The following CIITA variants were observed in gnomAD, a reference collection of about 807,000 sequenced individuals.
The protein encoded by CIITA is class II major histocompatibility complex transactivator.
CIITA carries 72 observed loss-of-function variants against 115.1 expected under a neutral mutation model. That is an observed-to-expected ratio of 0.63 (90% CI 0.52 to 0.76). The LOEUF (loss-of-function observed/expected upper bound fraction) is 0.76, where lower values mean the gene tolerates loss of function less well. Among genes scored for constraint, CIITA ranks in the 30% least tolerant of loss-of-function variants. The probability of loss-of-function intolerance (pLI) is 0.00; values close to 1 mark genes in which losing one functional copy is unlikely to be tolerated. For synonymous variants in CIITA, 763 were observed against 635.6 expected, an observed-to-expected ratio of 1.20 and a Z score of -3.02; for missense variants, 1,617 against 1,463.8, an observed-to-expected ratio of 1.10 and a Z score of -1.71.
At chr16:10,896,998 G>A (rs1036145994) in intron 3 of CIITA, among the ~76,000 whole-genome samples, 2 of 152,182 alleles carry the variant, frequency 1.3e-5, no homozygotes, top group East Asian at 1.9e-4. Context: ...ACAACTGGAG[G>A]CAGTCATTAA....
At chr16:10,890,202 G>A (rs148933685) in intron 1 of CIITA, among the ~76,000 whole-genome samples, 1 of 152,204 alleles carries the variant, frequency 6.6e-6, no homozygotes, top group Non-Finnish European at 1.5e-5. Context: ...AGGCCCTCTG[G>A]TGACTTTTTG....
intron 16 of CIITA, among the ~76,000 whole-genome samples, chr16:10,921,860 A>T (rs2040289355): frequency 6.6e-6 from 1 of 152,196 alleles, no homozygotes; most frequent in African/African-American, 2.4e-5. Flanking sequence ...GCTGCAGGGG[A>T]CACTGAGATC....
At chr16:10,915,073 GA>G in intron 13 of CIITA, 1 of 454,860 alleles carries the variant, frequency 2.2e-6, no homozygotes, top group East Asian at 6.9e-5. Context: ...TCTTTTTTGA[GA>G]CAGGGTCTCG....
chr16:10,870,866 C>T (rs2035435292), intron 1 of CIITA, among the ~76,000 whole-genome samples: 1 of 152,336 alleles, frequency 6.6e-6, no homozygotes, highest in South Asian at 2.1e-4. Flanking sequence ...GAGAATGGAA[C>T]AGGAAGAAGA....
chr16:10,897,789 TATC>T (rs2038283943), intron 3 of CIITA, among the ~76,000 whole-genome samples: 1 of 152,108 alleles, frequency 6.6e-6, no homozygotes, highest in African/African-American at 2.4e-5. Flanking sequence ...CAACCACCGT[TATC>T]ATTATTATCA....
At chr16:10,938,540 C>A (rs1027097803), downstream of CIITA, 1 of 152,120 alleles carries the variant, frequency 6.6e-6, no homozygotes, top group African/African-American at 2.4e-5. This position sits in a 1 kb window ranked among gnomAD's most constrained non-coding sequence, Gnocchi z 4.9. Flanking sequence ...GACTGACTAC[C>A]GGCGTTCCCC....
chr16:10,887,249 G>C (rs931498474), intron 1 of CIITA, among the ~76,000 whole-genome samples: 1 of 152,108 alleles, frequency 6.6e-6, no homozygotes, highest in Non-Finnish European at 1.5e-5. Context: ...GTGTTGGGGG[G>C]GGCCTTGGGG....
intron 1 of CIITA, among the ~76,000 whole-genome samples, chr16:10,891,753 G>A (rs1315672709): frequency 6.6e-6 from 1 of 152,214 alleles, no homozygotes; most frequent in Non-Finnish European, 1.5e-5. Context: ...GCTGGGAGAG[G>A]TGGAGCATCT....
intron 13 of CIITA, chr16:10,913,559 C>G (rs2039735081): frequency 6.6e-6 from 1 of 152,368 alleles, no homozygotes; most frequent in African/African-American, 2.4e-5. Flanking sequence ...CGTGATCCCC[C>G]CACCTCGGCC....
intron 15 of CIITA, 145 bp downstream of exon 15, chr16:10,916,604 C>T (rs751922365): frequency 1.4e-6 from 1 of 728,856 alleles, no homozygotes; most frequent in Non-Finnish European, 2.4e-6. Context: ...CATACCTCTG[C>T]AGCCTTGAAC....
chr16:10,906,793 G>A lies in CIITA; in HGVS notation c.1301G>A (p.Ser434Asn). ...AAGAGCTATTGGGCTGGGGCAGTGA[G>A]CCGGGCCTGGGCTTGTGGCCGGCTT... The part of the protein sequence containing the change: ...QGKSYWAGAV[S>N]RAWACGRLPQ... Residue 434 changes from serine to asparagine, a missense_variant, in exon 11 of 20, where the codon AGC becomes AAC. Ser to Asn is a conservative substitution (Grantham distance 46). Transcript: ENST00000324288. 6.8e-6 allele frequency: 11 copies of A among 1,612,020 alleles called. No homozygotes were observed. Among genetic ancestry groups the A allele is most frequent in the Non-Finnish European group, 9.3e-6 (11 of 1,180,014 alleles).
chr16:10,882,967 G>A (rs1027102494), intron 1 of CIITA, among the ~76,000 whole-genome samples: 1 of 152,216 alleles, frequency 6.6e-6, no homozygotes, highest in African/African-American at 2.4e-5. Context: ...CACTGGGGGT[G>A]AGGCCCAGGA....
At position 10,926,324 on chromosome 16, in the gene CIITA, C is replaced by G. The variant is rs973342423; in HGVS notation, c.*2469C>G. The stretch of plus-strand genomic sequence containing the variant: ...TGTAAATAGCTCAGGTGTCACCCTG[C>G]AAGGGATCCCTGCACTTGCAGACTC... On this transcript the variant is annotated 3_prime_UTR_variant, in exon 20 of 20. Coordinates refer to ENST00000324288, the MANE Select transcript of CIITA (RefSeq NM_000246.4). 4.6e-5 allele frequency: 7 copies of G among 152,400 alleles called. 1 individual carries two copies. The highest frequency in any genetic ancestry group is 6.8e-3 in the Middle Eastern group (2 of 296). The allele number at this position is 152,400 out of a possible 1,614,324, so 9.4% of individuals were successfully genotyped here.
rs2039304573 is a variant in CIITA, at chr16:10,908,094, A to G, written c.2602A>G (p.Ile868Val). 1 of 1,604,952 alleles carries G rather than the reference A, an allele frequency of 6.2e-7. No homozygotes were observed. Among genetic ancestry groups the G allele is most frequent in the African/African-American group, 1.3e-5 (1 of 74,860 alleles). The change falls in exon 11 of 20, where the codon ATT (isoleucine) becomes GTT (valine). Residue 868 changes from isoleucine to valine, a missense_variant. Physicochemically the swap from Ile to Val is conservative, Grantham distance 29. Transcript: ENST00000324288. ...CTCCCTGGACCTCCGCAGCACTGGC[A>G]TTTGCCCCTCTGGATTGGGGAGCCT... ...DFSLDLRSTG[I>V]CPSGLGSLVG...
At chr16:10,898,610 C>A in intron 3 of CIITA, 60 bp from the exon 4 acceptor site, 1 of 1,530,122 alleles carries the variant, frequency 6.5e-7, no homozygotes, top group Non-Finnish European at 8.9e-7. Context: ...CAAGGCCTGG[C>A]ACACAGTGGG....
At position 10,877,295 on chromosome 16, in the gene CIITA, C is replaced by T. The variant is rs751032522; in HGVS notation, c.-36C>T. On this transcript the variant is annotated 5_prime_UTR_variant, in exon 1 of 20. Transcript: ENST00000324288. Reference sequence around the variant, plus strand: ...GAGGGCACGAGGAGGGGCTGCCAGACTCCGGGAGCTGCTGCCTGGCTGGGA... The same window carrying T: ...GAGGGCACGAGGAGGGGCTGCCAGATTCCGGGAGCTGCTGCCTGGCTGGGA... The T allele has an allele frequency of 8.1e-6, 13 of 1,606,316 alleles. No individual in the cohort carries two copies. The highest frequency in any genetic ancestry group is 1.0e-5 in the Non-Finnish European group (12 of 1,175,900).
chr16:10,901,913 C>G lies in CIITA; in HGVS notation c.482-125C>G. 7.4e-7 allele frequency: 1 copy of G among 1,360,190 alleles called. No individual in the cohort carries two copies. Among genetic ancestry groups the G allele is most frequent in the Non-Finnish European group, 1.0e-6 (1 of 965,516 alleles). The allele number at this position is 1,360,190 out of a possible 1,614,324, so 84.3% of individuals were successfully genotyped here. On this transcript the variant is annotated intron_variant, in intron 6 of 19. Transcript: ENST00000324288. This position sits in a 1 kb window ranked among gnomAD's most constrained non-coding sequence, Gnocchi z 6.8. ...AGTTGCTGATCAACACAGCTGCAGC[C>G]AGGGCTGAGAAGATGACAAGCATTT...
Position 10,910,237 on chromosome 16 carries a change from G to A in CIITA, c.2866G>A (p.Asp956Asn). The change falls in exon 13 of 20, where the codon GAC (aspartate) becomes AAC (asparagine). Residue 956 changes from aspartate to asparagine, a missense_variant. Transcript: ENST00000324288. The part of the protein sequence containing the change: ...DTAGELPAVR[D>N]LKKLEFALGP... Reference sequence around the variant, plus strand: ...AGCTGGGGAGCTCCCTGCTGTTCGGGACCTAAAGAAACTGGAGTTTGCGTA... The same window carrying A: ...AGCTGGGGAGCTCCCTGCTGTTCGGAACCTAAAGAAACTGGAGTTTGCGTA... The A allele has an allele frequency of 5.0e-6, 8 of 1,614,072 alleles. No homozygotes were observed. The highest frequency in any genetic ancestry group is 2.2e-5 in the South Asian group (2 of 91,044).
chr16:10,911,575 G>T (rs2039586912), intron 13 of CIITA, among the ~76,000 whole-genome samples: 1 of 143,166 alleles, frequency 7.0e-6, no homozygotes. Context: ...TCTTTCTTGA[G>T]GCAGAGTCTT....
Sources: allele counts gnomAD v4.1 joint callset (sites outside exome capture counted in the v4.1 genomes callset), GRCh38; gene constraint gnomAD v4.1.1; non-coding constraint Gnocchi (gnomAD v3.1); transcripts MANE v1.5; gene names NCBI Gene and HGNC (gene_info 2026-07-23, HGNC 2026-07-21).